Variants in ATP11A observed in about 807,000 individuals in gnomAD.
The protein encoded by ATP11A is phospholipid-transporting ATPase IH.
A neutral mutation model predicts 154.4 loss-of-function variants in ATP11A; 81 were observed. The ratio of observed to expected loss-of-function variants is 0.52; its 90% CI spans 0.44 to 0.63. The LOEUF (loss-of-function observed/expected upper bound fraction) is 0.63. ATP11A is among the 30% of genes least tolerant of loss of function. The pLI, the probability that ATP11A is intolerant of heterozygous loss-of-function variation, is 0.00. For synonymous variants in ATP11A, 623 were observed against 585.9 expected (o/e 1.06, Z -0.91); for missense variants, 1,316 against 1,474.3 (o/e 0.89, Z 1.76).
intron 17 of ATP11A, among the ~76,000 whole-genome samples, chr13:112,847,682 G>C (rs76691787): frequency 0.012 from 1,886 of 152,324 alleles, 43 homozygotes; most frequent in African/African-American, 0.043. Flanking sequence ...TTTGAAACCA[G>C]GATATGTGAG....
intron 1 of ATP11A, among the ~76,000 whole-genome samples, chr13:112,743,213 G>A (rs192333009): frequency 1.2e-3 from 187 of 152,334 alleles, no homozygotes; most frequent in African/African-American, 4.2e-3. Flanking sequence ...GGTGGGAAAC[G>A]TGTATTTTCA....
chr13:112,756,934 C>G (rs1286836808), intron 1 of ATP11A, among the ~76,000 whole-genome samples: 1 of 152,234 alleles, frequency 6.6e-6, no homozygotes, highest in Non-Finnish European at 1.5e-5. Context: ...TCCACTACAT[C>G]TAGTAATTTA....
chr13:112,713,973 A>ACACCTC (rs1888091826), intron 1 of ATP11A, among the ~76,000 whole-genome samples: 1 of 20,728 alleles, frequency 4.8e-5, no homozygotes. Context: ...CTTCCCACCC[A>ACACCTC]GCTTCCATTC....
chr13:112,751,917 A>G (rs2076702152), intron 1 of ATP11A, among the ~76,000 whole-genome samples: 1 of 152,222 alleles, frequency 6.6e-6, no homozygotes, highest in South Asian at 2.1e-4. Flanking sequence ...TGGTATACAC[A>G]TACACACATG....
intron 16 of ATP11A, 72 bp from the exon 17 acceptor site, chr13:112,842,203 AT>A (rs1361754155): frequency 8.0e-7 from 1 of 1,245,180 alleles, no homozygotes; most frequent in Non-Finnish European, 1.1e-6. Context: ...TTTTTTAATA[AT>A]GGCATAATTT....
At chr13:112,791,993 A>C (rs968290527) in intron 2 of ATP11A, among the ~76,000 whole-genome samples, 1 of 152,102 alleles carries the variant, frequency 6.6e-6, no homozygotes, top group Non-Finnish European at 1.5e-5. Context: ...CCAGGAGAGC[A>C]CTTGGCCGCC....
chr13:112,831,230 G>A lies in ATP11A; in HGVS notation c.1222-145G>A, dbSNP rs544867542. On this transcript the variant is annotated intron_variant, in intron 12 of 29. Coordinates refer to ENST00000375645, the MANE Select transcript of ATP11A (RefSeq NM_015205.3). The stretch of plus-strand genomic sequence containing the variant: ...GAGCATGGCTCAGCCCAGTGAGGGG[G>A]TCTGTCTGGGGGAAAGCCTTTAGAA... 12 of 859,224 alleles carry A rather than the reference G, an allele frequency of 1.4e-5. No homozygotes were observed. The Admixed American group carries it at 3.1e-4, about 22-fold the overall frequency. 53.2% of individuals were successfully genotyped at this position (859,224 alleles called of 1,614,324 possible). A position where few individuals can be genotyped will look rare whatever the true frequency, so the allele number is the denominator to read the frequency against.
At chr13:112,803,351 A>T (rs753774290) in intron 2 of ATP11A, among the ~76,000 whole-genome samples, 4 of 152,186 alleles carry the variant, frequency 2.6e-5, no homozygotes, top group Non-Finnish European at 5.9e-5. Context: ...GAATTAAAGA[A>T]ATTCTTGGTA....
At chr13:112,831,662 T>TGAAGTCCC in intron 13 of ATP11A, 114 bp downstream of exon 13, 4 of 1,248,992 alleles carry the variant, frequency 3.2e-6, no homozygotes, top group Non-Finnish European at 4.5e-6. Flanking sequence ...CTCTACGGAC[T>TGAAGTCCC]TCAGTGGGAG....
chr13:112,755,870 G>A (rs1891974060), intron 1 of ATP11A, among the ~76,000 whole-genome samples: 1 of 80,710 alleles, frequency 1.2e-5, no homozygotes, highest in African/African-American at 8.2e-5. Flanking sequence ...TTCCGGTCAC[G>A]GAAGCGGCAC....
intron 1 of ATP11A, among the ~76,000 whole-genome samples, chr13:112,727,185 T>G (rs914040795): frequency 6.6e-6 from 1 of 152,172 alleles, no homozygotes; most frequent in African/African-American, 2.4e-5. Context: ...GTAGCTGGGA[T>G]TACAGGCATG....
At chr13:112,871,821 G>C (rs762567342) in intron 26 of ATP11A, 21 bp downstream of exon 26, 2 of 1,610,414 alleles carry the variant, frequency 1.2e-6, no homozygotes, top group Admixed American at 1.7e-5. Flanking sequence ...TCGCGCTCAC[G>C]TTCCTCCCCC....
At chr13:112,876,814 ACGTAGCTCAGACAC>A (rs1460559078) in intron 28 of ATP11A, among the ~76,000 whole-genome samples, 4 of 151,854 alleles carry the variant, frequency 2.6e-5, no homozygotes, top group African/African-American at 7.3e-5. Flanking sequence ...TGACTCACTC[ACGTAGCTCAGACAC>A]CCGGGGGCTG....
chr13:112,880,214 G>A (rs1053941509), intron 29 of ATP11A: 24 of 157,146 alleles, frequency 1.5e-4, no homozygotes, highest in Non-Finnish European at 2.1e-4. Flanking sequence ...GTGGCTGAAC[G>A]TGTGGCTTCA....
intron 2 of ATP11A, among the ~76,000 whole-genome samples, chr13:112,788,240 G>C (rs551591683): frequency 3.5e-4 from 53 of 150,194 alleles, no homozygotes; most frequent in African/African-American, 1.2e-3. Context: ...GTCCTGACGT[G>C]TAGACTCCTG....
rs937416738 is a variant in ATP11A, at chr13:112,882,435, T to C, written c.*569T>C. 1 of 435,932 alleles carries C rather than the reference T, an allele frequency of 2.3e-6. No individual in the cohort carries two copies. The highest frequency in any genetic ancestry group is 3.2e-5 in the South Asian group (1 of 31,064). The allele number at this position is 435,932 out of a possible 1,614,324, so 27.0% of individuals were successfully genotyped here. ...GCCACCACCCATGCCCTCCATAGGGTGAGGTGGAGCCATGGTGGTGCGTCC... is the reference window on the plus strand; with the variant it reads ...GCCACCACCCATGCCCTCCATAGGGCGAGGTGGAGCCATGGTGGTGCGTCC... On this transcript the variant is annotated 3_prime_UTR_variant, in exon 30 of 30. Transcript: ENST00000375645. This position sits in a 1 kb window ranked among gnomAD's most constrained non-coding sequence, Gnocchi z 5.1.
chr13:112,756,454 C>G (rs375101585), intron 1 of ATP11A, among the ~76,000 whole-genome samples: 1 of 152,212 alleles, frequency 6.6e-6, no homozygotes, highest in South Asian at 2.1e-4. Flanking sequence ...CTGCCTTCTG[C>G]CCAGAGTGTG....
intron 2 of ATP11A, among the ~76,000 whole-genome samples, chr13:112,797,980 G>A (rs1308728136): frequency 6.6e-6 from 1 of 152,204 alleles, no homozygotes; most frequent in African/African-American, 2.4e-5. Flanking sequence ...TTGGTGTCTG[G>A]TGAGGGCCCC....
intron 1 of ATP11A, among the ~76,000 whole-genome samples, chr13:112,726,948 T>C (rs892928000): frequency 1.9e-4 from 29 of 152,220 alleles, no homozygotes; most frequent in Admixed American, 1.8e-3. Flanking sequence ...TTGCAAATTT[T>C]TTTTCTCATA....
Sources: allele counts gnomAD v4.1 joint callset (sites outside exome capture counted in the v4.1 genomes callset), GRCh38; gene constraint gnomAD v4.1.1; non-coding constraint Gnocchi (gnomAD v3.1); transcripts MANE v1.5; gene names NCBI Gene and HGNC (gene_info 2026-07-23, HGNC 2026-07-21).